Variants in GABBR2 observed in about 807,000 individuals in gnomAD.
The protein encoded by GABBR2 is gamma-aminobutyric acid type B receptor subunit 2, also known as G-protein coupled receptor 51.
Under a neutral mutation model 105.6 loss-of-function variants are expected in GABBR2, and 23 were observed. The observed-to-expected ratio is 0.22, with a 90% CI of 0.16 to 0.31. GABBR2 has a LOEUF of 0.31. Ranked by LOEUF, GABBR2 falls within the 10% of genes least tolerant of loss-of-function variation. GABBR2 has a pLI of 1.00. For synonymous variants in GABBR2, 478 were observed against 499.7 expected (o/e 0.96, Z 0.58); for missense variants, 734 against 1,245.5 (o/e 0.59, Z 6.18).
At chr9:98,572,262 A>G (rs1303173365) in intron 2 of GABBR2, among the ~76,000 whole-genome samples, 2 of 152,214 alleles carry the variant, frequency 1.3e-5, no homozygotes, top group Non-Finnish European at 2.9e-5. Context: ...GCAGCTATGA[A>G]TCAAGAGGCC....
chr9:98,505,423 G>GGTGT (rs59702034), intron 3 of GABBR2, among the ~76,000 whole-genome samples: 3,804 of 148,450 alleles, frequency 0.026, 82 homozygotes, highest in African/African-American at 0.06. Context: ...GCTGTATCCA[G>GGTGT]GTGTGTGTGT....
Position 98,387,827 on chromosome 9 carries a change from C to T in GABBR2, c.1529+1027G>A, listed in dbSNP as rs568365822. Among the ~76,000 whole-genome samples the T allele has an allele frequency of 2.0e-4, 31 of 151,942 alleles. 1 individual carries two copies. In the South Asian group the frequency reaches 3.1e-3, roughly 15 times the overall value. On this transcript the variant is annotated intron_variant, in intron 10 of 18. Transcript: ENST00000259455. ...AATTAATTAATTAAAAAACCAAGCA[C>T]ACACACAAAAGTCTAGAGCCTCCAA...
At chr9:98,362,603 T>C (rs758668699) in intron 13 of GABBR2, 112 bp downstream of exon 13, 32 of 769,640 alleles carry the variant, frequency 4.2e-5, no homozygotes, top group Non-Finnish European at 5.8e-5. Context: ...ATGGAACTGA[T>C]GAAGTGTTCC....
chr9:98,567,047 C>G (rs1828761758), intron 2 of GABBR2, among the ~76,000 whole-genome samples: 1 of 152,188 alleles, frequency 6.6e-6, no homozygotes, highest in Middle Eastern at 3.2e-3. Flanking sequence ...AGACTCAACT[C>G]TGTGTAATCT....
chr9:98,678,414 C>A (rs1418788152), intron 1 of GABBR2, among the ~76,000 whole-genome samples: 1 of 152,174 alleles, frequency 6.6e-6, no homozygotes, highest in Non-Finnish European at 1.5e-5. Flanking sequence ...CGCGGTGGCA[C>A]CTTTCCTGCG....
At chr9:98,530,608 T>C (rs1340475649) in intron 3 of GABBR2, among the ~76,000 whole-genome samples, 1 of 152,096 alleles carries the variant, frequency 6.6e-6, no homozygotes, top group Admixed American at 6.5e-5. Flanking sequence ...TGAGACTCTG[T>C]CTCGACAAAA....
chr9:98,520,819 G>A (rs1480611167), intron 3 of GABBR2, among the ~76,000 whole-genome samples: 1 of 152,216 alleles, frequency 6.6e-6, no homozygotes, highest in Non-Finnish European at 1.5e-5. Context: ...CCTGGCAAGG[G>A]ACAGAACTCA....
chr9:98,693,794 A>G (rs1012663508), intron 1 of GABBR2, among the ~76,000 whole-genome samples: 1 of 152,256 alleles, frequency 6.6e-6, no homozygotes, highest in Admixed American at 6.5e-5. Context: ...TAGGGATTCA[A>G]TAAGGACCTG....
intron 7 of GABBR2, among the ~76,000 whole-genome samples, chr9:98,438,355 C>T (rs1825970827): frequency 6.6e-6 from 1 of 152,166 alleles, no homozygotes; most frequent in South Asian, 2.1e-4. Context: ...TACCCATCTG[C>T]CCATACATTC....
chr9:98,620,860 A>G (rs1161956616), intron 1 of GABBR2, among the ~76,000 whole-genome samples: 2 of 152,150 alleles, frequency 1.3e-5, no homozygotes, highest in Middle Eastern at 3.2e-3. Flanking sequence ...CGGGGCCCTC[A>G]GCAAACTACC....
chr9:98,527,344 T>C (rs990178220), intron 3 of GABBR2, among the ~76,000 whole-genome samples: 7 of 152,110 alleles, frequency 4.6e-5, no homozygotes, highest in African/African-American at 1.7e-4. Context: ...GACTGTCATT[T>C]ACCACTATGC....
intron 7 of GABBR2, among the ~76,000 whole-genome samples, chr9:98,446,743 A>G (rs889672007): frequency 2.0e-5 from 3 of 152,188 alleles, no homozygotes; most frequent in Non-Finnish European, 4.4e-5. Flanking sequence ...AAGGGACCTC[A>G]GAATAGGAAA....
At chr9:98,533,421 T>C (rs746127836) in intron 3 of GABBR2, among the ~76,000 whole-genome samples, 18 of 152,180 alleles carry the variant, frequency 1.2e-4, no homozygotes, top group African/African-American at 2.7e-4. Context: ...CTGGGGTTTC[T>C]CTGCACCCCT....
chr9:98,634,192 A>G (rs2131830890), intron 1 of GABBR2, among the ~76,000 whole-genome samples: 1 of 152,264 alleles, frequency 6.6e-6, no homozygotes, highest in East Asian at 1.9e-4. Context: ...TCCCCACCCG[A>G]CTTTGGGCCC....
intron 7 of GABBR2, among the ~76,000 whole-genome samples, chr9:98,428,365 A>C (rs1404549401): frequency 8.5e-5 from 13 of 152,208 alleles, no homozygotes; most frequent in Admixed American, 8.5e-4. Flanking sequence ...CAGGAGACGC[A>C]GCTCCAAAGC....
At chr9:98,436,304 C>T (rs59844808) in intron 7 of GABBR2, among the ~76,000 whole-genome samples, 1,104 of 61,326 alleles carry the variant, frequency 0.018, 140 homozygotes, top group South Asian at 0.032. Context: ...TATATATATA[C>T]CCATAAATAT....
At chr9:98,466,552 G>A (rs747921228) in intron 6 of GABBR2, among the ~76,000 whole-genome samples, 11 of 152,140 alleles carry the variant, frequency 7.2e-5, no homozygotes, top group Non-Finnish European at 1.5e-4. Context: ...TACCCCTAAG[G>A]TTCCTATCCT....
intron 7 of GABBR2, among the ~76,000 whole-genome samples, chr9:98,406,400 C>T (rs1433371627): frequency 3.3e-5 from 5 of 152,246 alleles, no homozygotes; most frequent in Non-Finnish European, 7.3e-5. Flanking sequence ...TAAGCATCAT[C>T]ATGATCACCA....
chr9:98,426,959 T>C (rs1320943471), intron 7 of GABBR2, among the ~76,000 whole-genome samples: 2 of 152,284 alleles, frequency 1.3e-5, no homozygotes, highest in East Asian at 3.9e-4. Context: ...GCAGAGATTG[T>C]GCCACTGTAC....
Sources: allele counts gnomAD v4.1 joint callset (sites outside exome capture counted in the v4.1 genomes callset), GRCh38; gene constraint gnomAD v4.1.1; transcripts MANE v1.5; gene names NCBI Gene and HGNC (gene_info 2026-07-23, HGNC 2026-07-21).